PCDHGA9: variants seen among roughly 807,000 people sequenced by gnomAD.
PCDHGA9 encodes the protein protocadherin gamma-A9.
PCDHGA9 carries 37 observed loss-of-function variants against 62.5 expected under a neutral mutation model. The ratio of observed to expected loss-of-function variants is 0.59; its 90% CI spans 0.46 to 0.78. PCDHGA9 has a LOEUF of 0.78. Among genes scored for constraint, PCDHGA9 ranks in the 30% least tolerant of loss-of-function variants. PCDHGA9 has a pLI of 0.00. For synonymous variants in PCDHGA9, 459 were observed against 484.6 expected (o/e 0.95, Z 0.69); for missense variants, 1,138 against 1,166.2 (o/e 0.98, Z 0.35).
intron 1 of PCDHGA9, chr5:141,409,578 T>A: frequency 6.2e-7 from 1 of 1,613,942 alleles, no homozygotes. Context: ...TCCTACGTGG[T>A]CCACGTGGCC....
chr5:141,483,946 T>C (rs374723616), intron 1 of PCDHGA9, among the ~76,000 whole-genome samples: 127 of 148,696 alleles, frequency 8.5e-4, no homozygotes, highest in Non-Finnish European at 1.5e-3. Flanking sequence ...ACGGTGTGAA[T>C]TGTGTTGTGT....
intron 1 of PCDHGA9, among the ~76,000 whole-genome samples, chr5:141,451,826 A>G (rs2098725686): frequency 6.6e-6 from 1 of 151,720 alleles, no homozygotes; most frequent in Non-Finnish European, 1.5e-5. Context: ...GGTTACAGTG[A>G]GCCGAGATCA....
In PCDHGA9 at chr5:141,431,141, G is replaced by A. The variant is rs1262504427; in HGVS notation, c.2424+25765G>A. 24 of 1,614,212 alleles carry A rather than the reference G, an allele frequency of 1.5e-5. No individual in the cohort carries two copies. The highest frequency in any genetic ancestry group is 2.0e-5 in the Non-Finnish European group (24 of 1,180,030). On this transcript the variant is annotated intron_variant, in intron 1 of 3. Coordinates refer to ENST00000573521, the MANE Select transcript of PCDHGA9 (RefSeq NM_018921.3). The surrounding 1 kb of genome is among the most constrained non-coding windows in gnomAD (Gnocchi z 4.8). ...AGAAGTAGAAGTAAGGGACATTAAC[G>A]ACAATGCGCCTTACTTTCGTGAAAG...
At chr5:141,417,866 G>C (rs1299960512) in intron 1 of PCDHGA9, 1 of 1,552,408 alleles carries the variant, frequency 6.4e-7, no homozygotes, top group African/African-American at 1.4e-5. Context: ...AACGATGGGA[G>C]GGAGCTGCGC....
chr5:141,477,656 C>A lies in PCDHGA9; in HGVS notation c.2425-17151C>A. ...AGTGGGTCGCTATTTCACAATAAAT[C>A]GTGACAATGGCATAGTGTCATCCTT... On this transcript the variant is annotated intron_variant, in intron 1 of 3. Transcript: ENST00000573521. The surrounding 1 kb of genome is among the most constrained non-coding windows in gnomAD (Gnocchi z 4.9). 1 of 1,614,184 alleles carries A rather than the reference C, an allele frequency of 6.2e-7. No homozygotes were observed.
chr5:141,432,717 C>T lies in PCDHGA9; in HGVS notation c.2424+27341C>T. On this transcript the variant is annotated intron_variant, in intron 1 of 3. Transcript: ENST00000573521. The surrounding 1 kb of genome is among the most constrained non-coding windows in gnomAD (Gnocchi z 6.0). ...GCCGTCCAGGACCACGGCCAGCCCC[C>T]TCTCTCCGCCACTGTCACGCTCACC... 1 of 1,614,030 alleles carries T rather than the reference C, an allele frequency of 6.2e-7. No individual in the cohort carries two copies. Among genetic ancestry groups the T allele is most frequent in the Non-Finnish European group, 8.5e-7 (1 of 1,179,978 alleles).
rs1562059777 is a variant in PCDHGA9, at chr5:141,477,098, G to C, written c.2425-17709G>C. 6.2e-7 allele frequency: 1 copy of C among 1,614,242 alleles called. No individual in the cohort carries two copies. Among genetic ancestry groups the C allele is most frequent in the Non-Finnish European group, 8.5e-7 (1 of 1,180,046 alleles). ...GATTTACATCCAGGCCAAAGACAAG[G>C]GCGCCAATCCCGAAGGAGCACATTG... On this transcript the variant is annotated intron_variant, in intron 1 of 3. Transcript: ENST00000573521. This position sits in a 1 kb window ranked among gnomAD's most constrained non-coding sequence, Gnocchi z 4.9.
rs950537869 is a variant in PCDHGA9, at chr5:141,432,150, A to G, written c.2424+26774A>G. 6.2e-7 allele frequency: 1 copy of G among 1,614,010 alleles called. No homozygotes were observed. On this transcript the variant is annotated intron_variant, in intron 1 of 3. Coordinates refer to ENST00000573521, the MANE Select transcript of PCDHGA9 (RefSeq NM_018921.3). The surrounding 1 kb of genome is among the most constrained non-coding windows in gnomAD (Gnocchi z 6.0). ...TCCTATTCCGCTTATATCCCAGAGA[A>G]CAATCCCAGAGGAGTTTCCCTCGTC...
At chr5:141,474,912 C>T (rs1018411233) in intron 1 of PCDHGA9, among the ~76,000 whole-genome samples, 6 of 152,214 alleles carry the variant, frequency 3.9e-5, no homozygotes, top group African/African-American at 1.2e-4. Flanking sequence ...CAAGGATATA[C>T]ATCTCATCTC....
chr5:141,451,914 A>G (rs1387569597), intron 1 of PCDHGA9, among the ~76,000 whole-genome samples: 3 of 152,022 alleles, frequency 2.0e-5, no homozygotes, highest in East Asian at 1.9e-4. Context: ...GGGAGGGAGG[A>G]AGGAAGGGAG....
At chr5:141,435,008 A>G (rs961813777) in intron 1 of PCDHGA9, among the ~76,000 whole-genome samples, 3 of 152,130 alleles carry the variant, frequency 2.0e-5, no homozygotes, top group African/African-American at 7.2e-5. Context: ...GAATTTATCA[A>G]TGATAATGCT....
Position 141,476,013 on chromosome 5 carries a change from G to A in PCDHGA9, c.2425-18794G>A. ...AAATCAACGGCATCCAGAAAGCCAT[G>A]TCGGACTCGGCGCCCAGCGCCCAAG... On this transcript the variant is annotated intron_variant, in intron 1 of 3. Coordinates refer to ENST00000573521, the MANE Select transcript of PCDHGA9 (RefSeq NM_018921.3). The surrounding 1 kb of genome is among the most constrained non-coding windows in gnomAD (Gnocchi z 7.6). The A allele has an allele frequency of 7.5e-7, 1 of 1,334,720 alleles. No individual in the cohort carries two copies. The highest frequency in any genetic ancestry group is 1.0e-6 in the Non-Finnish European group (1 of 983,502). 82.7% of individuals were successfully genotyped at this position (1,334,720 alleles called of 1,614,324 possible). A position where few individuals can be genotyped will look rare whatever the true frequency, so the allele number is the denominator to read the frequency against.
At chr5:141,440,617 C>T (rs1469883341) in intron 1 of PCDHGA9, 1 of 152,168 alleles carries the variant, frequency 6.6e-6, no homozygotes, top group East Asian at 1.9e-4. Context: ...TGCAGAAGAT[C>T]CTGATGTTGA....
intron 1 of PCDHGA9, among the ~76,000 whole-genome samples, chr5:141,458,380 G>T (rs1592559992): frequency 6.6e-6 from 1 of 152,136 alleles, no homozygotes; most frequent in African/African-American, 2.4e-5. Flanking sequence ...AAGAGAGAAG[G>T]AAGACGCTCC....
rs1014758036 is a variant in PCDHGA9 at position 141,486,472 on chromosome 5, T to C, written c.2425-8335T>C. The C allele has an allele frequency of 6.2e-7, 1 of 1,614,032 alleles. No homozygotes were observed. Among genetic ancestry groups the C allele is most frequent in the Non-Finnish European group, 8.5e-7 (1 of 1,179,862 alleles). ...TCACTGCTTCTGATGCTGGGAACCC[T>C]CCTCTCAGTACCCACAGAACTATTT... On this transcript the variant is annotated intron_variant, in intron 1 of 3. Coordinates refer to ENST00000573521, the MANE Select transcript of PCDHGA9 (RefSeq NM_018921.3). This position sits in a 1 kb window ranked among gnomAD's most constrained non-coding sequence, Gnocchi z 5.0.
At chr5:141,409,262 G>A (rs768196825) in intron 1 of PCDHGA9, 2 of 1,613,834 alleles carry the variant, frequency 1.2e-6, no homozygotes, top group African/African-American at 2.7e-5. Flanking sequence ...TTCTCTCTCT[G>A]ATCAGATTTT....
At position 141,512,967 on chromosome 5, in the gene PCDHGA9, T is replaced by C. The variant is rs2099884538; in HGVS notation, c.*1794T>C. ...CGACAAAAAAATAATAAAACGTTTC[T>C]TCTGAAAAGCTGAACGTTTCTGTAT... On this transcript the variant is annotated 3_prime_UTR_variant, in exon 4 of 4. Transcript: ENST00000573521. The C allele has an allele frequency of 6.6e-6, 1 of 152,260 alleles. No individual in the cohort carries two copies. Among genetic ancestry groups the C allele is most frequent in the South Asian group, 2.1e-4 (1 of 4,832 alleles). The allele number at this position is 152,260 out of a possible 1,614,324, so 9.4% of individuals were successfully genotyped here.
In PCDHGA9 at chr5:141,485,770, T is replaced by A. The variant is rs1199757869; in HGVS notation, c.2425-9037T>A. The A allele has an allele frequency of 6.2e-7, 1 of 1,614,180 alleles. No homozygotes were observed. The highest frequency in any genetic ancestry group is 1.1e-5 in the South Asian group (1 of 91,080). On this transcript the variant is annotated intron_variant, in intron 1 of 3. Transcript: ENST00000573521. This position sits in a 1 kb window ranked among gnomAD's most constrained non-coding sequence, Gnocchi z 5.7. ...TCCCAGAGCTGCTCCTGGAGAAGCC[T>A]TTGGATCGAGAGAAGCAATCGGACT... is the stretch of plus-strand genomic sequence containing the variant.
intron 2 of PCDHGA9, among the ~76,000 whole-genome samples, chr5:141,503,638 T>C (rs1467962880): frequency 1.3e-5 from 2 of 151,908 alleles, no homozygotes; most frequent in Non-Finnish European, 2.9e-5. Flanking sequence ...AAATAATTAT[T>C]GAATCAATGG....
Sources: allele counts gnomAD v4.1 joint callset (sites outside exome capture counted in the v4.1 genomes callset), GRCh38; gene constraint gnomAD v4.1.1; non-coding constraint Gnocchi (gnomAD v3.1); transcripts MANE v1.5; gene names NCBI Gene and HGNC (gene_info 2026-07-23, HGNC 2026-07-21).